Variants in OC90 observed in about 807,000 individuals in gnomAD.
OC90 encodes otoconin-90.
Under a neutral mutation model 47.3 loss-of-function variants are expected in OC90, and 46 were observed. The ratio of observed to expected loss-of-function variants is 0.97; its 90% CI spans 0.77 to 1.24. OC90 has a LOEUF of 1.24. OC90 is among the 50% of genes most tolerant of loss of function. The pLI, the probability that OC90 is intolerant of heterozygous loss-of-function variation, is 0.00. For synonymous variants in OC90, 271 were observed against 219.5 expected, an observed-to-expected ratio of 1.23 and a Z score of -2.07; for missense variants, 688 against 583.9, an observed-to-expected ratio of 1.18 and a Z score of -1.84.
chr8:132,045,775 A>G, intron 3 of OC90, 43 bp downstream of exon 3: 1 of 1,123,844 alleles, frequency 8.9e-7, no homozygotes, highest in South Asian at 1.3e-5. Flanking sequence ...TATCCTAGAC[A>G]ACTTTCTACT....
chr8:132,028,223 G>A (rs1408204641), intron 13 of OC90, among the ~76,000 whole-genome samples: 3 of 152,132 alleles, frequency 2.0e-5, no homozygotes, highest in Admixed American at 6.5e-5. Context: ...AAGAGTATTG[G>A]TCGGGCATGG....
At chr8:132,036,228 C>T (rs777024681) in intron 9 of OC90, 1 of 621,850 alleles carries the variant, frequency 1.6e-6, no homozygotes, top group Admixed American at 2.7e-5. Flanking sequence ...CAGTTTCCTA[C>T]ATATTCTGTA....
chr8:132,035,437 GC>G (rs1217934167), intron 9 of OC90, among the ~76,000 whole-genome samples: 3 of 152,164 alleles, frequency 2.0e-5, no homozygotes, highest in Admixed American at 2.0e-4. Context: ...AGGTCACAGA[GC>G]TAGGAGGCGG....
intron 13 of OC90, among the ~76,000 whole-genome samples, chr8:132,028,555 A>AAAG (rs1822800930): frequency 6.1e-5 from 1 of 16,518 alleles, no homozygotes; most frequent in Non-Finnish European, 1.1e-4. Flanking sequence ...AGAAAGAAAG[A>AAAG]AAGAAAGAAA....
At position 132,024,662 on chromosome 8, in the gene OC90, C is replaced by T. The variant is rs1586703754; in HGVS notation, c.1253G>A (p.Cys418Tyr). The T allele has an allele frequency of 1.2e-6, 2 of 1,613,214 alleles. No individual in the cohort carries two copies. The highest frequency in any genetic ancestry group is 1.1e-5 in the South Asian group (1 of 90,978). ...QSLKSPSRLG[C>Y]PGQPAACEDS... ...TTCACAGGCTGCTGGCTGCCCAGGG[C>T]ACCCGAGTCTGCTTGGGGACTTGAG... is the stretch of plus-strand genomic sequence containing the variant. Residue 418 changes from cysteine to tyrosine, a missense_variant, in exon 14 of 14, where the codon TGC becomes TAC. By Grantham distance (194) the Cys-to-Tyr change is radical (BLOSUM62 -2). Coordinates refer to ENST00000254627, the MANE Select transcript of OC90 (RefSeq NM_001080399.3).
chr8:132,054,733 C>T (rs61119946), intron 2 of OC90, among the ~76,000 whole-genome samples: 10,394 of 152,190 alleles, frequency 0.068, 1,064 homozygotes, highest in African/African-American at 0.22. Flanking sequence ...TTTGTAAACA[C>T]TTATAATCGT....
At chr8:132,036,874 G>T (rs1447178443) in intron 9 of OC90, among the ~76,000 whole-genome samples, 1 of 152,202 alleles carries the variant, frequency 6.6e-6, no homozygotes, top group Non-Finnish European at 1.5e-5. Flanking sequence ...TAAGCAAGCT[G>T]CCCAGTATCC....
chr8:132,030,692 GA>G (rs1822860307), intron 12 of OC90, among the ~76,000 whole-genome samples: 1 of 152,200 alleles, frequency 6.6e-6, no homozygotes, highest in Non-Finnish European at 1.5e-5. Flanking sequence ...TTGCTAGAGT[GA>G]AAACTTCTTT....
rs1348586245 is a variant in OC90, at chr8:132,044,402, G to A, written c.169+31C>T. 7 of 1,310,810 alleles carry A rather than the reference G, an allele frequency of 5.3e-6. No homozygotes were observed. In the Admixed American group the frequency reaches 1.4e-4, roughly 26 times the overall value. 81.2% of individuals were successfully genotyped at this position (1,310,810 alleles called of 1,614,324 possible). ...TTGTCCACACATGCTCTGACCTCTG[G>A]TGGATAAAAGCAATTTTAGACTTAA... On this transcript the variant is annotated intron_variant, in intron 4 of 13. Transcript: ENST00000254627.
chr8:132,058,395 G>A (rs1823302339), intron 1 of OC90, among the ~76,000 whole-genome samples: 1 of 152,166 alleles, frequency 6.6e-6, no homozygotes, highest in African/African-American at 2.4e-5. Flanking sequence ...CTGTCCTTGT[G>A]GGCCTGAGAA....
chr8:132,044,597 G>GA (rs1823105079), intron 3 of OC90, 108 bp from the exon 4 acceptor site: 2 of 673,164 alleles, frequency 3.0e-6, no homozygotes, highest in Middle Eastern at 5.0e-4. Flanking sequence ...ATTCTCCAAA[G>GA]AAAAAATTGA....
chr8:132,052,862 T>A (rs1586716790), intron 2 of OC90, among the ~76,000 whole-genome samples: 1 of 152,338 alleles, frequency 6.6e-6, no homozygotes, highest in South Asian at 2.1e-4. Flanking sequence ...CATTACCATC[T>A]TATAGACAAT....
At chr8:132,040,923 C>T (rs534477223) in intron 6 of OC90, 121 bp downstream of exon 6, 32 of 683,258 alleles carry the variant, frequency 4.7e-5, no homozygotes, top group East Asian at 2.5e-4. Flanking sequence ...GTGCTGCCAA[C>T]GATGCTGCCA....
Position 132,033,030 on chromosome 8 carries a change from T to G in OC90, c.859+9A>C. The G allele has an allele frequency of 6.2e-7, 1 of 1,607,680 alleles. No individual in the cohort carries two copies. Among genetic ancestry groups the G allele is most frequent in the Non-Finnish European group, 8.5e-7 (1 of 1,177,210 alleles). On this transcript the variant is annotated intron_variant, in intron 11 of 13. Transcript: ENST00000254627. ...AGCAGCGGAGAGGACAGACACTGCTTCTGCTCACCTTTTTCAGTGGTCTCC... is the reference window on the plus strand; with the variant it reads ...AGCAGCGGAGAGGACAGACACTGCTGCTGCTCACCTTTTTCAGTGGTCTCC...
At chr8:132,057,292 A>G (rs1823289949) in intron 1 of OC90, among the ~76,000 whole-genome samples, 1 of 152,182 alleles carries the variant, frequency 6.6e-6, no homozygotes, top group Non-Finnish European at 1.5e-5. Context: ...AGTTTTGCAC[A>G]GTGGATCTCT....
intron 13 of OC90, among the ~76,000 whole-genome samples, chr8:132,028,167 T>C (rs1246569169): frequency 6.6e-6 from 1 of 152,110 alleles, no homozygotes; most frequent in East Asian, 1.9e-4. Context: ...ACAGTGAATC[T>C]CCTCATCAGT....
intron 6 of OC90, among the ~76,000 whole-genome samples, chr8:132,039,473 C>G (rs1161590631): frequency 6.6e-6 from 1 of 152,160 alleles, no homozygotes; most frequent in Non-Finnish European, 1.5e-5. Flanking sequence ...AGCTTCTACC[C>G]TGCTGCTCAA....
At chr8:132,041,761 G>C (rs1823057870) in intron 4 of OC90, 62 bp from the exon 5 acceptor site, 1 of 1,023,376 alleles carries the variant, frequency 9.8e-7, no homozygotes, top group African/African-American at 1.6e-5. Context: ...GGGCGTCCCT[G>C]TCCCCTGGAC....
chr8:132,047,234 A>G (rs1165746758), intron 2 of OC90, among the ~76,000 whole-genome samples: 3 of 152,176 alleles, frequency 2.0e-5, no homozygotes, highest in Non-Finnish European at 4.4e-5. Flanking sequence ...GGCACTACCA[A>G]TATACCATCC....
Sources: allele counts gnomAD v4.1 joint callset (sites outside exome capture counted in the v4.1 genomes callset), GRCh38; gene constraint gnomAD v4.1.1; transcripts MANE v1.5; gene names NCBI Gene and HGNC (gene_info 2026-07-23, HGNC 2026-07-21).